Variants in AGPAT3 observed in about 807,000 individuals in gnomAD.
AGPAT3 encodes 1-acyl-sn-glycerol-3-phosphate acyltransferase gamma.
A neutral mutation model predicts 47.3 loss-of-function variants in AGPAT3; 5 were observed. The observed-to-expected ratio is 0.11, with a 90% CI of 0.06 to 0.22. The LOEUF is 0.22. AGPAT3 is among the 10% of genes least tolerant of loss of function. AGPAT3 has a pLI of 1.00. For synonymous variants in AGPAT3, 212 were observed against 208.3 expected (o/e 1.02, Z -0.15); for missense variants, 315 against 493.0 (o/e 0.64, Z 3.42).
chr21:43,868,945 C>T (rs2085565525), intron 1 of AGPAT3, among the ~76,000 whole-genome samples: 1 of 152,222 alleles, frequency 6.6e-6, no homozygotes, highest in South Asian at 2.1e-4. Context: ...GAATCCAAAG[C>T]TGTTATTCTT....
intron 2 of AGPAT3, among the ~76,000 whole-genome samples, chr21:43,916,727 G>A (rs1295847522): frequency 2.0e-5 from 3 of 152,164 alleles, no homozygotes; most frequent in Non-Finnish European, 1.5e-5. Context: ...TGATTGGTGT[G>A]TTTGGACCAG....
intron 1 of AGPAT3, among the ~76,000 whole-genome samples, chr21:43,884,524 C>A (rs2085928887): frequency 6.6e-6 from 1 of 152,186 alleles, no homozygotes; most frequent in Non-Finnish European, 1.5e-5. Flanking sequence ...GGACATGGGG[C>A]CCAGCCTCCT....
intron 2 of AGPAT3, among the ~76,000 whole-genome samples, chr21:43,940,174 C>CT (rs1290165182): frequency 1.3e-5 from 2 of 152,382 alleles, no homozygotes; most frequent in East Asian, 3.9e-4. Context: ...GCTCCTCACC[C>CT]TTTGGCCAGG....
Position 43,924,319 on chromosome 21 carries a change from C to T in AGPAT3, c.-49+20300C>T, listed in dbSNP as rs148546774. Reference sequence around the variant, plus strand: ...GGATTACAGGCGTGAGCCATCGCGCCGAGCCAGGAAAATGTAAGGTTTTAA... The same window carrying T: ...GGATTACAGGCGTGAGCCATCGCGCTGAGCCAGGAAAATGTAAGGTTTTAA... On this transcript the variant is annotated intron_variant, in intron 2 of 9. Transcript: ENST00000291572. Among the ~76,000 whole-genome samples the T allele has an allele frequency of 5.0e-3, 756 of 152,156 alleles. 4 individuals carry two copies. Among genetic ancestry groups the T allele is most frequent in the African/African-American group, 0.016 (684 of 41,488 alleles).
chr21:43,969,328 G>A lies in AGPAT3; in HGVS notation c.510+49G>A, dbSNP rs559592146. On this transcript the variant is annotated intron_variant, in intron 5 of 9. Transcript: ENST00000291572. ...ACCCTGCATGCCTGGAGGAGGCCAC[G>A]CCAACTCCTGATGCACGGCTGCCCA... is the stretch of plus-strand genomic sequence containing the variant. 5.5e-4 allele frequency: 885 copies of A among 1,604,112 alleles called. 12 individuals are homozygous for A. In the South Asian group the frequency reaches 8.4e-3, roughly 15 times the overall value.
intron 2 of AGPAT3, among the ~76,000 whole-genome samples, chr21:43,928,095 C>T (rs987999569): frequency 3.3e-5 from 5 of 152,210 alleles, no homozygotes; most frequent in Admixed American, 1.3e-4. Flanking sequence ...ACGCAGCTCC[C>T]GGACGCAGCA....
At chr21:43,966,249 A>G (rs1183043940) in intron 3 of AGPAT3, 1 of 152,288 alleles carries the variant, frequency 6.6e-6, no homozygotes, top group Non-Finnish European at 1.5e-5. Context: ...CAGAACACTC[A>G]TGGGGAGTGT....
At chr21:43,906,998 A>G (rs936634932) in intron 2 of AGPAT3, among the ~76,000 whole-genome samples, 1 of 149,970 alleles carries the variant, frequency 6.7e-6, no homozygotes, top group Non-Finnish European at 1.5e-5. Context: ...AGGGGGCTTC[A>G]GGGGCTGGCG....
chr21:43,911,688 A>G (rs529786931), intron 2 of AGPAT3, among the ~76,000 whole-genome samples: 11 of 152,376 alleles, frequency 7.2e-5, no homozygotes, highest in African/African-American at 2.2e-4. Context: ...GGAACATCCC[A>G]CACGGGGTTC....
At chr21:43,913,679 A>T (rs941737809) in intron 2 of AGPAT3, among the ~76,000 whole-genome samples, 1 of 152,174 alleles carries the variant, frequency 6.6e-6, no homozygotes, top group African/African-American at 2.4e-5. Flanking sequence ...CCCTTGGCGG[A>T]CATTTGGCAA....
intron 1 of AGPAT3, among the ~76,000 whole-genome samples, chr21:43,875,693 C>T (rs576393520): frequency 9.2e-5 from 14 of 152,304 alleles, no homozygotes; most frequent in Admixed American, 4.6e-4. Flanking sequence ...CTGCAACCTC[C>T]GCCTCTTGGG....
intron 4 of AGPAT3, among the ~76,000 whole-genome samples, chr21:43,968,450 G>A (rs190814460): frequency 6.6e-6 from 1 of 151,786 alleles, no homozygotes; most frequent in East Asian, 2.0e-4. Context: ...CCCTGGGTGG[G>A]GGAGGTACTG....
intron 2 of AGPAT3, among the ~76,000 whole-genome samples, chr21:43,917,719 G>A (rs1045962081): frequency 1.3e-5 from 2 of 151,938 alleles, no homozygotes; most frequent in Admixed American, 6.6e-5. Flanking sequence ...AACTCGTTTC[G>A]CTGCCTTATC....
chr21:43,959,982 C>T lies in AGPAT3; in HGVS notation c.178+123C>T, dbSNP rs1601427390. On this transcript the variant is annotated intron_variant, in intron 3 of 9. Coordinates refer to ENST00000291572, the MANE Select transcript of AGPAT3 (RefSeq NM_020132.5). ...AGGGCTATGCAGGAGGTGCCGAGGC[C>T]ATCTGGCTGGCAGGCTGTCGGAAGG... The T allele has an allele frequency of 3.6e-6, 4 of 1,096,802 alleles. No homozygotes were observed. In the East Asian group the frequency reaches 1.0e-4, roughly 29 times the overall value. 67.9% of individuals were successfully genotyped at this position (1,096,802 alleles called of 1,614,324 possible). A position where few individuals can be genotyped will look rare whatever the true frequency, so the allele number is the denominator to read the frequency against.
chr21:43,979,049 G>A (rs2089734137), intron 8 of AGPAT3, among the ~76,000 whole-genome samples: 1 of 152,286 alleles, frequency 6.6e-6, no homozygotes, highest in East Asian at 1.9e-4. Context: ...TGTAATCCCA[G>A]CACTTTGGGA....
intron 3 of AGPAT3, among the ~76,000 whole-genome samples, chr21:43,963,487 A>C (rs905992025): frequency 1.3e-5 from 2 of 152,136 alleles, no homozygotes; most frequent in African/African-American, 4.8e-5. Context: ...AGGCAGGAGG[A>C]TCCCCTGAGG....
chr21:43,962,679 G>A (rs1315657681), intron 3 of AGPAT3, among the ~76,000 whole-genome samples: 2 of 152,212 alleles, frequency 1.3e-5, no homozygotes, highest in Non-Finnish European at 2.9e-5. Flanking sequence ...TTGGGCAGCT[G>A]TAGCAGAGGG....
rs895128185 is a variant in AGPAT3, at chr21:43,970,389, C to G, written c.511-264C>G. On this transcript the variant is annotated intron_variant, in intron 5 of 9. Transcript: ENST00000291572. The surrounding 1 kb of genome is among the most constrained non-coding windows in gnomAD (Gnocchi z 5.8). ...CACTGCTCAGAGGCTGCTGCCCCAA[C>G]ACACCTTCATGTTTCACTTCTTTCT... Among the ~76,000 whole-genome samples, 3 of 152,250 alleles carry G rather than the reference C, an allele frequency of 2.0e-5. No individual in the cohort carries two copies. The highest frequency in any genetic ancestry group is 7.2e-5 in the African/African-American group (3 of 41,476).
At chr21:43,957,399 G>A (rs2088525213) in intron 2 of AGPAT3, among the ~76,000 whole-genome samples, 1 of 152,208 alleles carries the variant, frequency 6.6e-6, no homozygotes, top group African/African-American at 2.4e-5. Context: ...CCCCATGGGA[G>A]TGCACTCAGT....
Sources: gnomAD v4.1 joint callset for allele counts (sites outside exome capture counted in the v4.1 genomes callset) on GRCh38, gnomAD v4.1.1 for gene constraint, Gnocchi (gnomAD v3.1) non-coding constraint, MANE v1.5 for transcripts, NCBI Gene and HGNC (gene_info 2026-07-23, HGNC 2026-07-21) for gene names.